TMEFF2: variants seen among roughly 807,000 people sequenced by gnomAD.
TMEFF2 encodes the protein tomoregulin-2.
A neutral mutation model predicts 53.8 loss-of-function variants in TMEFF2; 28 were observed. The ratio of observed to expected loss-of-function variants is 0.52; its 90% confidence interval spans 0.39 to 0.71. The LOEUF is 0.71. Among genes scored for constraint, TMEFF2 ranks in the 30% least tolerant of loss-of-function variants. The pLI, the probability that TMEFF2 is intolerant of heterozygous loss-of-function variation, is 0.00. For synonymous variants in TMEFF2, 162 were observed against 166.3 expected, an observed-to-expected ratio of 0.97 and a Z score of 0.20; for missense variants, 353 against 455.2, an observed-to-expected ratio of 0.78 and a Z score of 2.04.
At chr2:192,166,103 G>A (rs1162409058) in intron 4 of TMEFF2, among the ~76,000 whole-genome samples, 1 of 152,148 alleles carries the variant, frequency 6.6e-6, no homozygotes, top group East Asian at 1.9e-4. Flanking sequence ...TGTTGAGCCA[G>A]ATGAAACTTT....
At chr2:192,100,266 T>C (rs1689004237) in intron 4 of TMEFF2, among the ~76,000 whole-genome samples, 1 of 152,200 alleles carries the variant, frequency 6.6e-6, no homozygotes, top group Admixed American at 6.6e-5. Flanking sequence ...TTGTTCATGA[T>C]GGTGTGTCAG....
At chr2:191,974,803 T>C (rs1488983661) in intron 7 of TMEFF2, among the ~76,000 whole-genome samples, 1 of 152,072 alleles carries the variant, frequency 6.6e-6, no homozygotes, top group Non-Finnish European at 1.5e-5. Context: ...AGAATTGTAG[T>C]TTTTGGAAGT....
At chr2:192,188,825 T>TTCTTTCTATCTA (rs1210961876) in intron 2 of TMEFF2, among the ~76,000 whole-genome samples, 6 of 31,282 alleles carry the variant, frequency 1.9e-4, no homozygotes, top group Middle Eastern at 0.019. Flanking sequence ...CTCCCCGCTT[T>TTCTTTCTATCTA]TCTATCTATC....
intron 4 of TMEFF2, among the ~76,000 whole-genome samples, chr2:192,093,561 T>C (rs1033729611): frequency 6.6e-6 from 1 of 152,150 alleles, no homozygotes; most frequent in Non-Finnish European, 1.5e-5. Flanking sequence ...GTGCCAAATC[T>C]GAATTCCAAG....
At chr2:192,185,638 C>T (rs1376338223) in intron 2 of TMEFF2, among the ~76,000 whole-genome samples, 2 of 151,950 alleles carry the variant, frequency 1.3e-5, no homozygotes, top group Admixed American at 6.6e-5. Flanking sequence ...TAAACCTCAA[C>T]TCAAGAATGT....
In TMEFF2 at chr2:191,949,605, T is replaced by TG; in HGVS notation, c.*705dup. 5.1e-6 allele frequency: 5 copies of TG among 985,414 alleles called. No homozygotes were observed. The highest frequency in any genetic ancestry group is 6.0e-6 in the Non-Finnish European group (5 of 829,926). 61.0% of individuals were successfully genotyped at this position (985,414 alleles called of 1,614,324 possible). On this transcript the variant is annotated 3_prime_UTR_variant, in exon 10 of 10. Coordinates refer to ENST00000272771, the MANE Select transcript of TMEFF2 (RefSeq NM_016192.4). Reference sequence around the variant, plus strand: ...GTAAGTTCAGATATATGCACTTAACTGGGGGATTCTAAGCTACTTCCCCAA... The same window carrying TG: ...GTAAGTTCAGATATATGCACTTAACTGGGGGGATTCTAAGCTACTTCCCCAA...
intron 4 of TMEFF2, among the ~76,000 whole-genome samples, chr2:192,091,886 C>T (rs193151116): frequency 6.6e-6 from 1 of 152,144 alleles, no homozygotes; most frequent in African/African-American, 2.4e-5. Flanking sequence ...GGTGCTGAAA[C>T]CCTGTCCTCA....
intron 4 of TMEFF2, among the ~76,000 whole-genome samples, chr2:192,096,387 G>T (rs1688904092): frequency 6.6e-6 from 1 of 151,946 alleles, no homozygotes; most frequent in Admixed American, 6.6e-5. Flanking sequence ...ATTATAAGAG[G>T]TTTCTTTAAA....
chr2:191,992,426 T>C (rs1686128670), intron 7 of TMEFF2, among the ~76,000 whole-genome samples: 1 of 152,070 alleles, frequency 6.6e-6, no homozygotes, highest in South Asian at 2.1e-4. Flanking sequence ...TGAGGCATAA[T>C]CAAGGCAAAT....
chr2:192,011,238 T>C (rs1005187730), intron 5 of TMEFF2, among the ~76,000 whole-genome samples: 3 of 152,152 alleles, frequency 2.0e-5, no homozygotes, highest in Non-Finnish European at 2.9e-5. Flanking sequence ...CACTGAATAA[T>C]TTACTGATTG....
At chr2:191,997,865 T>C (rs1250573399) in intron 7 of TMEFF2, among the ~76,000 whole-genome samples, 1 of 151,928 alleles carries the variant, frequency 6.6e-6, no homozygotes, top group African/African-American at 2.4e-5. Context: ...TTCTAGCTTT[T>C]TAGAGACTAG....
intron 4 of TMEFF2, among the ~76,000 whole-genome samples, chr2:192,072,145 T>C (rs958144684): frequency 2.0e-5 from 3 of 151,974 alleles, no homozygotes; most frequent in African/African-American, 7.2e-5. Flanking sequence ...TGTTGCTCTC[T>C]AGCAGAGCAG....
intron 4 of TMEFF2, among the ~76,000 whole-genome samples, chr2:192,110,246 T>C (rs73982399): frequency 0.028 from 4,216 of 152,250 alleles, 213 homozygotes; most frequent in African/African-American, 0.095. Context: ...GACTAAAATA[T>C]GTCCACTGGA....
intron 7 of TMEFF2, among the ~76,000 whole-genome samples, chr2:191,974,719 G>A (rs948218875): frequency 6.6e-6 from 1 of 151,906 alleles, no homozygotes; most frequent in Non-Finnish European, 1.5e-5. Context: ...GTCTATAAAA[G>A]CTGCTCTAAA....
intron 9 of TMEFF2, 63 bp from the exon 10 acceptor site, chr2:191,950,470 A>G (rs755479032): frequency 6.2e-7 from 1 of 1,607,976 alleles, no homozygotes; most frequent in Admixed American, 1.7e-5. Context: ...TGGCCCTACA[A>G]TCACAGAATA....
At chr2:192,003,492 A>T (rs1289339444) in intron 5 of TMEFF2, among the ~76,000 whole-genome samples, 1 of 152,210 alleles carries the variant, frequency 6.6e-6, no homozygotes, top group African/African-American at 2.4e-5. Flanking sequence ...AATTTAAATC[A>T]TATTGACTCT....
At chr2:191,960,393 T>C (rs1299180500) in intron 7 of TMEFF2, among the ~76,000 whole-genome samples, 1 of 152,250 alleles carries the variant, frequency 6.6e-6, no homozygotes, top group Non-Finnish European at 1.5e-5. Flanking sequence ...CATGAATATC[T>C]TACCCATTTA....
chr2:192,067,959 A>G (rs1336223842), intron 4 of TMEFF2, among the ~76,000 whole-genome samples: 1 of 151,918 alleles, frequency 6.6e-6, no homozygotes, highest in Non-Finnish European at 1.5e-5. Flanking sequence ...CATATCTCCC[A>G]TGTCACTTAC....
chr2:192,010,969 T>G (rs985287269), intron 5 of TMEFF2, among the ~76,000 whole-genome samples: 1 of 152,226 alleles, frequency 6.6e-6, no homozygotes, highest in African/African-American at 2.4e-5. Flanking sequence ...ATAAGTCAAG[T>G]AACTCAGAAT....
Sources: gnomAD v4.1 joint callset for allele counts (sites outside exome capture counted in the v4.1 genomes callset) on GRCh38, gnomAD v4.1.1 for gene constraint, MANE v1.5 for transcripts, NCBI Gene and HGNC (gene_info 2026-07-23, HGNC 2026-07-21) for gene names.